Variants in KLHL29 observed in about 807,000 individuals in gnomAD.
The protein encoded by KLHL29 is kelch like family member 29, also known as kelch-like protein 29.
KLHL29 carries 21 observed loss-of-function variants against 80.4 expected under a neutral mutation model. The observed-to-expected ratio is 0.26, with a 90% CI of 0.19 to 0.38. The LOEUF is 0.38. Ranked by LOEUF, KLHL29 falls within the 10% of genes least tolerant of loss-of-function variation. The pLI is 1.00. For synonymous variants in KLHL29, 511 were observed against 526.8 expected (o/e 0.97, Z 0.41); for missense variants, 867 against 1,223.9 (o/e 0.71, Z 4.35).
chr2:23,636,869 A>G (rs577094261), intron 3 of KLHL29, among the ~76,000 whole-genome samples: 4 of 152,296 alleles, frequency 2.6e-5, no homozygotes, highest in African/African-American at 9.6e-5. Context: ...AAACTCGAGG[A>G]GACCCCAACC....
Position 23,605,107 on chromosome 2 carries a change from C to CTTTTT in KLHL29, c.286-34014_286-34010dup, listed in dbSNP as rs386389703. 5.7e-3 allele frequency among the ~76,000 whole-genome samples: 530 copies of CTTTTT among 92,422 alleles called. 18 individuals carry two copies. The highest frequency in any genetic ancestry group is 0.014 in the African/African-American group (331 of 23,492). The allele number at this position is 92,422 out of a possible 152,430, so 60.6% of individuals were successfully genotyped here. On this transcript the variant is annotated intron_variant, in intron 3 of 13. Transcript: ENST00000486442. ...TGGCCCTGTTCTTTTTCCTTTGTTG[C>CTTTTT]TTTTTTTTTTTTTTTTTTTTTTGGA...
intron 1 of KLHL29, among the ~76,000 whole-genome samples, chr2:23,438,348 T>C (rs1473153028): frequency 6.7e-6 from 1 of 150,108 alleles, no homozygotes; most frequent in Non-Finnish European, 1.5e-5. Flanking sequence ...CAACACCATG[T>C]TGAATAGGAG....
chr2:23,516,570 C>T (rs372314194), intron 2 of KLHL29, among the ~76,000 whole-genome samples: 1 of 152,172 alleles, frequency 6.6e-6, no homozygotes, highest in African/African-American at 2.4e-5. Flanking sequence ...TATGATTATA[C>T]CAGCCTCTGG....
intron 1 of KLHL29, among the ~76,000 whole-genome samples, chr2:23,437,603 A>G (rs1270005418): frequency 7.0e-6 from 1 of 141,886 alleles, no homozygotes; most frequent in Non-Finnish European, 1.5e-5. Context: ...TACAGCCTAC[A>G]GCCTGTCTCA....
In KLHL29 at chr2:23,680,762, CTGGGGT is replaced by C. The variant is rs1671062980; in HGVS notation, c.941-3636_941-3631del. Reference sequence around the variant, plus strand: ...CCTGGGGTCTCTAGGCCATCTTCTCCTGGGGTCTCTAGGCCATCTTCTCCTGGGGTC... The same window carrying C: ...CCTGGGGTCTCTAGGCCATCTTCTCCCTCTAGGCCATCTTCTCCTGGGGTC... On this transcript the variant is annotated intron_variant, in intron 5 of 13. Transcript: ENST00000486442. The surrounding 1 kb of genome is among the most constrained non-coding windows in gnomAD (Gnocchi z 4.1). Among the ~76,000 whole-genome samples the C allele has an allele frequency of 2.6e-5, 4 of 151,720 alleles. No homozygotes were observed. Among genetic ancestry groups the C allele is most frequent in the Non-Finnish European group, 5.9e-5 (4 of 67,908 alleles).
intron 3 of KLHL29, among the ~76,000 whole-genome samples, chr2:23,631,498 AT>A (rs1187545940): frequency 6.6e-6 from 1 of 152,022 alleles, no homozygotes; most frequent in Non-Finnish European, 1.5e-5. Context: ...ATTATTAGAA[AT>A]TTCATCAGGC....
chr2:23,496,412 C>T (rs1202014867), intron 2 of KLHL29, among the ~76,000 whole-genome samples: 1 of 152,212 alleles, frequency 6.6e-6, no homozygotes, highest in Non-Finnish European at 1.5e-5. Context: ...TGTTTTCCTG[C>T]TCCATTCATT....
intron 5 of KLHL29, among the ~76,000 whole-genome samples, chr2:23,644,541 G>A (rs929166070): frequency 1.3e-5 from 2 of 152,256 alleles, no homozygotes; most frequent in African/African-American, 4.8e-5. Flanking sequence ...CTGGGGCTCA[G>A]CACCAAGCTG....
At chr2:23,607,042 G>T (rs1314572920) in intron 3 of KLHL29, among the ~76,000 whole-genome samples, 3 of 152,180 alleles carry the variant, frequency 2.0e-5, no homozygotes, top group Admixed American at 1.3e-4. Flanking sequence ...CCATATGAGG[G>T]CACTAATCCC....
chr2:23,675,204 A>C (rs1011241304), intron 5 of KLHL29, among the ~76,000 whole-genome samples: 4 of 152,174 alleles, frequency 2.6e-5, no homozygotes, highest in African/African-American at 9.7e-5. Context: ...AAGCAGGGGA[A>C]GGAGCCAAGT....
At chr2:23,387,504 T>TTTA (rs34918880) in intron 1 of KLHL29, among the ~76,000 whole-genome samples, 5,513 of 117,516 alleles carry the variant, frequency 0.047, 136 homozygotes, top group East Asian at 0.095. Flanking sequence ...TCATTCCTGA[T>TTTA]TTATTATTAT....
chr2:23,660,629 G>C (rs1670378160), intron 5 of KLHL29, among the ~76,000 whole-genome samples: 1 of 152,236 alleles, frequency 6.6e-6, no homozygotes, highest in African/African-American at 2.4e-5. Context: ...AGCTCACCAG[G>C]CTCCAGCCTT....
intron 3 of KLHL29, among the ~76,000 whole-genome samples, chr2:23,592,104 C>G (rs994480096): frequency 6.6e-6 from 1 of 152,350 alleles, no homozygotes; most frequent in Non-Finnish European, 1.5e-5. Context: ...CGGGCTGCAC[C>G]CACTCACTGC....
At chr2:23,417,786 G>A (rs770794070) in intron 1 of KLHL29, among the ~76,000 whole-genome samples, 9 of 151,964 alleles carry the variant, frequency 5.9e-5, no homozygotes, top group Non-Finnish European at 8.8e-5. Context: ...TCCCAACACC[G>A]TGGGCTTGTT....
intron 2 of KLHL29, chr2:23,524,152 C>T (rs1451376906): frequency 7.1e-6 from 3 of 419,796 alleles, no homozygotes; most frequent in Admixed American, 2.6e-5. Context: ...AAAAGGAAGC[C>T]GATGCTGGAG....
At chr2:23,543,338 G>A (rs747262470) in intron 2 of KLHL29, among the ~76,000 whole-genome samples, 18 of 152,270 alleles carry the variant, frequency 1.2e-4, no homozygotes, top group Middle Eastern at 3.4e-3. Flanking sequence ...CATGGGCAGC[G>A]CCGGCGACCT....
At chr2:23,691,430 C>G in intron 6 of KLHL29, 1 of 570,514 alleles carries the variant, frequency 1.8e-6, no homozygotes, top group South Asian at 2.1e-5. Flanking sequence ...TGATTTGCAT[C>G]TTTTTTTGCA....
chr2:23,400,134 C>A (rs1050695283), intron 1 of KLHL29, among the ~76,000 whole-genome samples: 5 of 152,162 alleles, frequency 3.3e-5, no homozygotes, highest in African/African-American at 1.2e-4. Context: ...GACAGATGGC[C>A]TTAACAGGTT....
intron 11 of KLHL29, among the ~76,000 whole-genome samples, chr2:23,702,554 T>A (rs1672466363): frequency 1.3e-5 from 2 of 152,310 alleles, no homozygotes; most frequent in South Asian, 4.1e-4. Context: ...GCCCACTCAG[T>A]CCTGCTTCCC....
Sources: gnomAD v4.1 joint callset for allele counts (sites outside exome capture counted in the v4.1 genomes callset) on GRCh38, gnomAD v4.1.1 for gene constraint, Gnocchi (gnomAD v3.1) non-coding constraint, MANE v1.5 for transcripts, NCBI Gene and HGNC (gene_info 2026-07-23, HGNC 2026-07-21) for gene names.